Variants in CTIF observed in about 807,000 individuals in gnomAD.
CTIF encodes cap binding complex dependent translation initiation factor.
A neutral mutation model predicts 66.0 loss-of-function variants in CTIF; 21 were observed. The ratio of observed to expected loss-of-function variants is 0.32; its 90% confidence interval spans 0.23 to 0.46. The LOEUF is 0.46. CTIF is among the 20% of genes least tolerant of loss of function. The pLI, the probability that CTIF is intolerant of heterozygous loss-of-function variation, is 1.00. For missense variants in CTIF, 739 were observed against 812.7 expected (o/e 0.91, Z 1.10); for synonymous variants, 345 against 326.4 (o/e 1.06, Z -0.62).
intron 6 of CTIF, among the ~76,000 whole-genome samples, chr18:48,684,368 C>G (rs1014756833): frequency 4.1e-4 from 63 of 152,282 alleles, no homozygotes; most frequent in African/African-American, 1.2e-3. Context: ...CGTTCCATTC[C>G]TCAAAGCAAC....
At chr18:48,841,588 C>T (rs1431834684) in intron 10 of CTIF, among the ~76,000 whole-genome samples, 5 of 152,218 alleles carry the variant, frequency 3.3e-5, no homozygotes, top group African/African-American at 1.2e-4. Context: ...ATCAAGGAGA[C>T]GCTCTGTCTC....
intron 7 of CTIF, among the ~76,000 whole-genome samples, chr18:48,737,645 A>G (rs999346175): frequency 1.3e-5 from 2 of 152,216 alleles, no homozygotes; most frequent in Non-Finnish European, 2.9e-5. Context: ...AAGAAAAAGT[A>G]TATGTAGTAT....
At chr18:48,696,808 A>G (rs907772125) in intron 6 of CTIF, among the ~76,000 whole-genome samples, 1 of 152,230 alleles carries the variant, frequency 6.6e-6, no homozygotes, top group South Asian at 2.1e-4. Flanking sequence ...TTGCTGTCTC[A>G]GAAGTGAGAC....
intron 9 of CTIF, among the ~76,000 whole-genome samples, chr18:48,786,080 A>C (rs1911681474): frequency 6.6e-6 from 1 of 152,066 alleles, no homozygotes; most frequent in South Asian, 2.1e-4. Flanking sequence ...CCTCCTTTGC[A>C]GGGCTGGATA....
intron 7 of CTIF, among the ~76,000 whole-genome samples, chr18:48,735,969 CG>C (rs574148363): frequency 3.3e-5 from 5 of 152,044 alleles, no homozygotes; most frequent in African/African-American, 4.8e-5. Context: ...AGGGCACACC[CG>C]GGTGGTCTGG....
At chr18:48,786,634 C>T (rs565306197) in intron 9 of CTIF, among the ~76,000 whole-genome samples, 5 of 152,282 alleles carry the variant, frequency 3.3e-5, no homozygotes, top group Admixed American at 3.3e-4. Flanking sequence ...TGAGCAGAAA[C>T]TCGATGGAAC....
At chr18:48,737,732 G>T (rs1197483919) in intron 7 of CTIF, among the ~76,000 whole-genome samples, 1 of 152,156 alleles carries the variant, frequency 6.6e-6, no homozygotes, top group Non-Finnish European at 1.5e-5. Context: ...GAATGGATGG[G>T]TAAACATAAA....
At chr18:48,545,948 C>G in intron 1 of CTIF, among the ~76,000 whole-genome samples, 1 of 152,106 alleles carries the variant, frequency 6.6e-6, no homozygotes. Context: ...CAGAATCCAG[C>G]GACAGCCAAG....
chr18:48,755,678 T>A (rs1908289424), intron 7 of CTIF: 1 of 152,228 alleles, frequency 6.6e-6, no homozygotes, highest in African/African-American at 2.4e-5. Context: ...CCCAGGAATG[T>A]ATATCAGAAA....
At chr18:48,575,214 C>T (rs1029017970) in intron 1 of CTIF, among the ~76,000 whole-genome samples, 1 of 152,210 alleles carries the variant, frequency 6.6e-6, no homozygotes, top group Admixed American at 6.5e-5. Flanking sequence ...TTAAAATTTA[C>T]CAGGGACTTT....
intron 5 of CTIF, among the ~76,000 whole-genome samples, chr18:48,666,177 T>G (rs2144941377): frequency 6.6e-6 from 1 of 152,306 alleles, no homozygotes; most frequent in Non-Finnish European, 1.5e-5. Flanking sequence ...TGACCCTTAC[T>G]TTTCCTTCCA....
chr18:48,701,824 C>T (rs1293686594), intron 6 of CTIF, among the ~76,000 whole-genome samples: 1 of 152,136 alleles, frequency 6.6e-6, no homozygotes, highest in Non-Finnish European at 1.5e-5. Flanking sequence ...CCGTGGAGGG[C>T]AATAAGGGAG....
chr18:48,645,847 T>G (rs2091021507), intron 3 of CTIF, among the ~76,000 whole-genome samples: 1 of 152,138 alleles, frequency 6.6e-6, no homozygotes, highest in African/African-American at 2.4e-5. Flanking sequence ...GGAGGTTGAG[T>G]GGGCAACCTG....
Position 48,711,655 on chromosome 18 carries a change from C to T in CTIF, c.544C>T (p.His182Tyr). 6.2e-7 allele frequency: 1 copy of T among 1,614,120 alleles called. No homozygotes were observed. The highest frequency in any genetic ancestry group is 8.5e-7 in the Non-Finnish European group (1 of 1,180,002). The change falls in exon 7 of 12, where the codon CAC (histidine) becomes TAC (tyrosine). Residue 182 changes from histidine (H) to tyrosine (Y), a missense_variant. Physicochemically the swap from His to Tyr is moderately conservative, Grantham distance 83. Transcript: ENST00000256413. ...GATGCCCCATGAAGTGGAGATCGCA[C>T]ACACCAAGAAGCTGTTCCGCAGGAG... The part of the protein sequence containing the change: ...HPMPHEVEIA[H>Y]TKKLFRRRRN...
intron 6 of CTIF, among the ~76,000 whole-genome samples, chr18:48,705,238 G>A (rs9964910): frequency 0.011 from 1,643 of 152,282 alleles, 33 homozygotes; most frequent in African/African-American, 0.036. Flanking sequence ...CAAGGCTCTA[G>A]GGGAGGAGCC....
At chr18:48,725,620 C>T (rs929008021) in intron 7 of CTIF, among the ~76,000 whole-genome samples, 1 of 152,134 alleles carries the variant, frequency 6.6e-6, no homozygotes, top group African/African-American at 2.4e-5. Context: ...TCCTGCATCC[C>T]GTTTTGTGAA....
intron 10 of CTIF, 61 bp from the exon 11 acceptor site, chr18:48,857,527 T>A: frequency 6.6e-7 from 1 of 1,512,444 alleles, no homozygotes; most frequent in Non-Finnish European, 9.0e-7. Flanking sequence ...TGCAGGGAGC[T>A]ACAGGGCCCA....
intron 2 of CTIF, among the ~76,000 whole-genome samples, chr18:48,623,764 G>A (rs1260404730): frequency 6.6e-6 from 1 of 152,062 alleles, no homozygotes; most frequent in Non-Finnish European, 1.5e-5. Context: ...AGTGACAGTT[G>A]ACACTCAGGG....
intron 6 of CTIF, among the ~76,000 whole-genome samples, chr18:48,675,186 A>G (rs2091606347): frequency 1.3e-5 from 2 of 152,128 alleles, no homozygotes. Flanking sequence ...TTGGGCTCAG[A>G]CTGCAGTTCT....
Sources: allele counts gnomAD v4.1 joint callset (sites outside exome capture counted in the v4.1 genomes callset), GRCh38; gene constraint gnomAD v4.1.1; transcripts MANE v1.5; gene names NCBI Gene and HGNC (gene_info 2026-07-23, HGNC 2026-07-21).